Variants in NUDT14 observed in about 807,000 individuals in gnomAD.
NUDT14 encodes uridine diphosphate glucose pyrophosphatase NUDT14.
NUDT14 carries 22 observed loss-of-function variants against 17.5 expected under a neutral mutation model. That is an observed-to-expected ratio of 1.26 (90% CI 0.90 to 1.80). NUDT14 has a LOEUF of 1.80. Ranked by LOEUF, NUDT14 falls within the 40% of genes most tolerant of loss-of-function variation. The pLI is 0.00. For synonymous variants in NUDT14, 129 were observed against 125.8 expected (o/e 1.03, Z -0.17); for missense variants, 296 against 295.6 (o/e 1.00, Z -0.01).
chr14:105,176,802 A>T, intron 3 of NUDT14, 31 bp from the exon 4 acceptor site: 1 of 1,602,914 alleles, frequency 6.2e-7, no homozygotes, highest in Non-Finnish European at 8.5e-7. Context: ...CTGTGCTCAC[A>T]GCCACGTGGT....
At position 105,177,757 on chromosome 14, in the gene NUDT14, T is replaced by C. The variant is rs748544592; in HGVS notation, c.82-22A>G. On this transcript the variant is annotated intron_variant, in intron 1 of 4. Transcript: ENST00000392568. ...CATTCTAGAAGGGGCAGGTCAGCGG[T>C]TAGAATGTCCCAGGATGGGCGGAGG... 3 of 1,610,614 alleles carry C rather than the reference T, an allele frequency of 1.9e-6. No homozygotes were observed. The African/African-American group carries it at 4.0e-5, about 22-fold the overall frequency.
intron 1 of NUDT14, among the ~76,000 whole-genome samples, chr14:105,180,872 G>C (rs1889310702): frequency 1.3e-5 from 2 of 152,198 alleles, no homozygotes; most frequent in Admixed American, 6.5e-5. Context: ...GGGAAGGATG[G>C]GGCCCAGCAA....
chr14:105,176,427 G>C (rs1889213431), intron 4 of NUDT14, 107 bp downstream of exon 4: 2 of 965,110 alleles, frequency 2.1e-6, no homozygotes, highest in Non-Finnish European at 3.3e-6. Context: ...TCCCATGTTG[G>C]AAAACAAGGA....
At chr14:105,175,454 TCCGCCTCCTGGGTTCAGGCTC>T (rs1889190405) in intron 4 of NUDT14, 1 of 27,366 alleles carries the variant, frequency 3.7e-5, no homozygotes, top group South Asian at 9.9e-4. Flanking sequence ...CACCGCAACC[TCCGCCTCCTGGGTTCAGGCTC>T]ACCGCAACCT....
intron 1 of NUDT14, among the ~76,000 whole-genome samples, chr14:105,179,431 G>C (rs191622247): frequency 6.6e-6 from 1 of 152,344 alleles, no homozygotes; most frequent in Admixed American, 6.5e-5. Flanking sequence ...CTACATCCGT[G>C]TCCACCACAG....
At position 105,181,181 on chromosome 14, in the gene NUDT14, C is replaced by G; in HGVS notation, c.29G>C (p.Gly10Ala). The G allele has an allele frequency of 8.5e-7, 1 of 1,182,282 alleles. No homozygotes were observed. Among genetic ancestry groups the G allele is most frequent in the South Asian group, 2.3e-5 (1 of 43,554 alleles). 73.2% of individuals were successfully genotyped at this position (1,182,282 alleles called of 1,614,324 possible). ...CAGGTAGGGTGAGGCGGCGCAGCGG[C>G]CCACGGACGCCCCCTCGATGCGCTC... MERIEGASV[G>A]RCAASPYLRP... The change falls in exon 1 of 5, where the codon GGC becomes GCC. Residue 10 changes from glycine (G) to alanine (A), a missense_variant. Gly to Ala is a moderately conservative substitution (Grantham distance 60). Coordinates refer to ENST00000392568, the MANE Select transcript of NUDT14 (RefSeq NM_177533.5). This position sits in a 1 kb window ranked among gnomAD's most constrained non-coding sequence, Gnocchi z 5.0.
In NUDT14 at chr14:105,173,462, C is replaced by G; in HGVS notation, c.429-201G>C. 2.1e-6 allele frequency: 1 copy of G among 467,820 alleles called. No homozygotes were observed. The highest frequency in any genetic ancestry group is 3.6e-6 in the Non-Finnish European group (1 of 279,284). The allele number at this position is 467,820 out of a possible 1,614,324, so 29.0% of individuals were successfully genotyped here. A position where few individuals can be genotyped will look rare whatever the true frequency, so the allele number is the denominator to read the frequency against. On this transcript the variant is annotated intron_variant, in intron 4 of 4. Transcript: ENST00000392568. This position sits in a 1 kb window ranked among gnomAD's most constrained non-coding sequence, Gnocchi z 4.7. ...CCTCCCGCAGCAGGGCATCCCTTCC[C>G]TGATCACGTTGTACTCGCCAGGTGG...
In NUDT14 at chr14:105,173,979, G is replaced by A. The variant is rs1889159835; in HGVS notation, c.429-718C>T. Among the ~76,000 whole-genome samples the A allele has an allele frequency of 6.6e-6, 1 of 152,062 alleles. No homozygotes were observed. The highest frequency in any genetic ancestry group is 2.4e-5 in the African/African-American group (1 of 41,416). ...CTGGGAAGCAGGGACAAACCCACCA[G>A]GCCTTCCCGCAAGGGTTCCCCACCA... On this transcript the variant is annotated intron_variant, in intron 4 of 4. Transcript: ENST00000392568. The surrounding 1 kb of genome is among the most constrained non-coding windows in gnomAD (Gnocchi z 4.7).
Position 105,181,241 on chromosome 14 carries a change from TCTGCGGGGGCCG to T in NUDT14, c.-44_-33del. On this transcript the variant is annotated 5_prime_UTR_variant, in exon 1 of 5. Coordinates refer to ENST00000392568, the MANE Select transcript of NUDT14 (RefSeq NM_177533.5). The surrounding 1 kb of genome is among the most constrained non-coding windows in gnomAD (Gnocchi z 5.0). ...GCCCGGACAGGCGGGGGCCGCGAGC[TCTGCGGGGGCCG>T]ACACGGGGCGGCGCCCTGTCCCGAC... 1 of 227,766 alleles carries T rather than the reference TCTGCGGGGGCCG, an allele frequency of 4.4e-6. No individual in the cohort carries two copies. The highest frequency in any genetic ancestry group is 5.6e-6 in the Non-Finnish European group (1 of 179,898). 14.1% of individuals were successfully genotyped at this position (227,766 alleles called of 1,614,324 possible).
intron 4 of NUDT14, chr14:105,175,962 G>A: frequency 7.9e-7 from 1 of 1,268,796 alleles, no homozygotes; most frequent in Non-Finnish European, 1.0e-6. Context: ...GACCTCAGCT[G>A]GGGTCAGGAG....
chr14:105,173,689 A>G lies in NUDT14; in HGVS notation c.429-428T>C, dbSNP rs1471155646. The G allele has an allele frequency of 6.4e-6, 1 of 156,802 alleles. No individual in the cohort carries two copies. Among genetic ancestry groups the G allele is most frequent in the Non-Finnish European group, 1.4e-5 (1 of 71,482 alleles). The allele number at this position is 156,802 out of a possible 1,614,324, so 9.7% of individuals were successfully genotyped here. ...TGGGAAGGGCCAACAGCCAGCAGGG[A>G]GGTGGGACCCAGTCCCCAGCCACCA... On this transcript the variant is annotated intron_variant, in intron 4 of 4. Coordinates refer to ENST00000392568, the MANE Select transcript of NUDT14 (RefSeq NM_177533.5). This position sits in a 1 kb window ranked among gnomAD's most constrained non-coding sequence, Gnocchi z 4.7.
intron 1 of NUDT14, 106 bp from the exon 2 acceptor site, chr14:105,177,841 G>A (rs760919071): frequency 7.7e-5 from 85 of 1,098,196 alleles, no homozygotes; most frequent in East Asian, 3.1e-4. Context: ...CAGGGAGATC[G>A]GCTCGTGGCC....
Position 105,173,074 on chromosome 14 carries a change from A to G in NUDT14, c.616T>C (p.Phe206Leu), listed in dbSNP as rs1303068264. ...TGGCTGAGGAACCATGAGACACCAAAGATGACGCCGAGGGTCTTGGGGATG... is the reference window on the plus strand; with the variant it reads ...TGGCTGAGGAACCATGAGACACCAAGGATGACGCCGAGGGTCTTGGGGATG... ...PDIPKTLGVIFGVSWFLSQVA... is the reference protein window; with the variant it reads ...PDIPKTLGVILGVSWFLSQVA... Residue 206 changes from phenylalanine to leucine, a missense_variant, in exon 5 of 5, where the codon TTT becomes CTT. Physicochemically the swap from Phe to Leu is conservative, Grantham distance 22. Coordinates refer to ENST00000392568, the MANE Select transcript of NUDT14 (RefSeq NM_177533.5). This position sits in a 1 kb window ranked among gnomAD's most constrained non-coding sequence, Gnocchi z 4.7. 7 of 1,545,364 alleles carry G rather than the reference A, an allele frequency of 4.5e-6. No individual in the cohort carries two copies. The highest frequency in any genetic ancestry group is 5.2e-6 in the Non-Finnish European group (6 of 1,146,542).
At chr14:105,176,889 G>C in intron 3 of NUDT14, 74 bp downstream of exon 3, 1 of 1,564,792 alleles carries the variant, frequency 6.4e-7, no homozygotes, top group Non-Finnish European at 8.8e-7. Context: ...TCCCACATCT[G>C]TATTCAGACC....
chr14:105,173,098 T>C lies in NUDT14; in HGVS notation c.592A>G (p.Ile198Val). The stretch of plus-strand genomic sequence containing the variant: ...AAGATGACGCCGAGGGTCTTGGGGA[T>C]GTCCGGGTCGTCTGCAAAGGCCTGG... ...GAQAFADDPD[I>V]PKTLGVIFGV... The change falls in exon 5 of 5, where the codon ATC becomes GTC. Residue 198 changes from isoleucine to valine, a missense_variant. By Grantham distance (29) the Ile-to-Val change is conservative. Coordinates refer to ENST00000392568, the MANE Select transcript of NUDT14 (RefSeq NM_177533.5). The surrounding 1 kb of genome is among the most constrained non-coding windows in gnomAD (Gnocchi z 4.7). 6.3e-7 allele frequency: 1 copy of C among 1,586,238 alleles called. No individual in the cohort carries two copies. Among genetic ancestry groups the C allele is most frequent in the Non-Finnish European group, 8.6e-7 (1 of 1,167,940 alleles).
chr14:105,178,220 A>G (rs1480128881), intron 1 of NUDT14, among the ~76,000 whole-genome samples: 1 of 151,768 alleles, frequency 6.6e-6, no homozygotes. Context: ...CGGCACCAGG[A>G]GTGGATGGGG....
At chr14:105,178,974 G>T (rs963740843) in intron 1 of NUDT14, among the ~76,000 whole-genome samples, 1 of 152,086 alleles carries the variant, frequency 6.6e-6, no homozygotes, top group African/African-American at 2.4e-5. Flanking sequence ...GGCGACCCCA[G>T]GCCTGCCTGA....
Position 105,181,190 on chromosome 14 carries a change from G to GC in NUDT14, c.19dup (p.Ala7GlyfsTer35). On this transcript the variant is annotated frameshift_variant, in exon 1 of 5. Transcript: ENST00000392568. LOFTEE classifies it high-confidence loss of function. This position sits in a 1 kb window ranked among gnomAD's most constrained non-coding sequence, Gnocchi z 5.0. ...TGAGGCGGCGCAGCGGCCCACGGAC[G>GC]CCCCCTCGATGCGCTCCATGGCGGC... The GC allele has an allele frequency of 1.7e-6, 2 of 1,180,664 alleles. No homozygotes were observed. The highest frequency in any genetic ancestry group is 2.1e-6 in the Non-Finnish European group (2 of 946,704). The allele number at this position is 1,180,664 out of a possible 1,614,324, so 73.1% of individuals were successfully genotyped here.
At chr14:105,175,631 C>G in intron 4 of NUDT14, 1 of 776,936 alleles carries the variant, frequency 1.3e-6, no homozygotes, top group Non-Finnish European at 1.6e-6. Flanking sequence ...AACTCCTGAC[C>G]TCAGGTGATC....
Sources: gnomAD v4.1 joint callset for allele counts (sites outside exome capture counted in the v4.1 genomes callset) on GRCh38, gnomAD v4.1.1 for gene constraint, Gnocchi (gnomAD v3.1) non-coding constraint, MANE v1.5 for transcripts, NCBI Gene and HGNC (gene_info 2026-07-23, HGNC 2026-07-21) for gene names.